Variants in HTR4 observed in about 807,000 individuals in gnomAD.
HTR4 encodes the protein 5-hydroxytryptamine receptor 4.
In HTR4, 16 loss-of-function variants were observed where a neutral mutation model predicts 36.8. That is an observed-to-expected ratio of 0.43 (90% CI 0.29 to 0.66). The LOEUF is 0.66. Ranked by LOEUF, HTR4 falls within the 30% of genes least tolerant of loss-of-function variation. HTR4 has a pLI of 0.13. For missense variants in HTR4, 438 were observed against 490.9 expected, an observed-to-expected ratio of 0.89 and a Z score of 1.02; for synonymous variants, 189 against 185.1, an observed-to-expected ratio of 1.02 and a Z score of -0.17.
chr5:148,497,858 A>G (rs903666858), intron 6 of HTR4, among the ~76,000 whole-genome samples: 33 of 152,240 alleles, frequency 2.2e-4, no homozygotes, highest in African/African-American at 7.5e-4. Context: ...CAAAATATTT[A>G]TATGAAAATA....
At chr5:148,503,161 G>C (rs889254149) in intron 6 of HTR4, among the ~76,000 whole-genome samples, 9 of 152,086 alleles carry the variant, frequency 5.9e-5, no homozygotes, top group Non-Finnish European at 8.8e-5. Context: ...GATACTCCTC[G>C]AGAAGAGCAA....
chr5:148,473,961 G>A (rs1181947226), downstream of HTR4, among the ~76,000 whole-genome samples: 2 of 151,998 alleles, frequency 1.3e-5, no homozygotes, highest in Non-Finnish European at 2.9e-5. Flanking sequence ...ACTATTAGAT[G>A]AGACAGAATT....
At chr5:148,551,316 T>C (rs988873061) in intron 2 of HTR4, among the ~76,000 whole-genome samples, 1 of 152,208 alleles carries the variant, frequency 6.6e-6, no homozygotes, top group African/African-American at 2.4e-5. Flanking sequence ...TCAGATTCTG[T>C]GAAGTCTGTT....
chr5:148,577,977 T>TA, intron 2 of HTR4, among the ~76,000 whole-genome samples: 1 of 151,904 alleles, frequency 6.6e-6, no homozygotes, highest in East Asian at 1.9e-4. Flanking sequence ...AAATAAAAGT[T>TA]AAAAAAAGTA....
At chr5:148,489,731 G>A (rs1413680683) in intron 6 of HTR4, among the ~76,000 whole-genome samples, 2 of 152,122 alleles carry the variant, frequency 1.3e-5, no homozygotes, top group Non-Finnish European at 1.5e-5. Context: ...TAGGTCAGGG[G>A]AGCTGGGCTG....
At chr5:148,640,033 G>A (rs1260476608) in intron 1 of HTR4, among the ~76,000 whole-genome samples, 2 of 152,086 alleles carry the variant, frequency 1.3e-5, no homozygotes, top group Non-Finnish European at 2.9e-5. Flanking sequence ...TCCTATAGAT[G>A]AAGAGACTGA....
intron 2 of HTR4, among the ~76,000 whole-genome samples, chr5:148,591,022 G>C (rs920007459): frequency 6.6e-6 from 1 of 152,088 alleles, no homozygotes; most frequent in Non-Finnish European, 1.5e-5. Context: ...GTAAGGAAGG[G>C]GTCCAGCTTC....
downstream of HTR4, among the ~76,000 whole-genome samples, chr5:148,473,186 C>T (rs541626186): frequency 1.7e-3 from 256 of 151,724 alleles, no homozygotes; most frequent in African/African-American, 5.9e-3. Flanking sequence ...GTAGTCCCAG[C>T]TACTCGGGAG....
intron 2 of HTR4, 48 bp downstream of exon 2, chr5:148,636,941 A>G (rs758415555): frequency 2.5e-6 from 3 of 1,207,326 alleles, no homozygotes; most frequent in South Asian, 1.3e-5. Context: ...TCTTCATAGC[A>G]GAAATGTTCT....
intron 2 of HTR4, among the ~76,000 whole-genome samples, chr5:148,599,857 T>C (rs1020375255): frequency 6.6e-6 from 1 of 151,930 alleles, no homozygotes; most frequent in African/African-American, 2.4e-5. Flanking sequence ...GTCTGAGAAA[T>C]GGTAAAAGTA....
intron 4 of HTR4, among the ~76,000 whole-genome samples, chr5:148,533,170 A>G (rs192703696): frequency 1.1e-3 from 175 of 152,306 alleles, no homozygotes; most frequent in African/African-American, 4.1e-3. Context: ...GAATCAGCAA[A>G]ATTTGTTCTC....
chr5:148,613,497 C>A (rs1752528932), intron 2 of HTR4, among the ~76,000 whole-genome samples: 3 of 151,800 alleles, frequency 2.0e-5, no homozygotes, highest in Admixed American at 1.3e-4. Context: ...ATGCTAAAAA[C>A]TCTCAATAAA....
chr5:148,466,681 C>A (rs971369277), intron 5 of HTR4, among the ~76,000 whole-genome samples: 1 of 152,194 alleles, frequency 6.6e-6, no homozygotes, highest in Non-Finnish European at 1.5e-5. Flanking sequence ...TACCCTCTGT[C>A]AGAGTGTTAC....
intron 2 of HTR4, among the ~76,000 whole-genome samples, chr5:148,599,614 G>T (rs1256527442): frequency 1.3e-5 from 2 of 151,634 alleles, no homozygotes; most frequent in Non-Finnish European, 1.5e-5. Flanking sequence ...ATCTAGTACT[G>T]GTAAATTTTA....
At chr5:148,593,083 G>A (rs1009402576) in intron 2 of HTR4, among the ~76,000 whole-genome samples, 1 of 152,098 alleles carries the variant, frequency 6.6e-6, no homozygotes, top group Non-Finnish European at 1.5e-5. Flanking sequence ...TATGCAATCT[G>A]AAGTACTTAT....
chr5:148,456,064 T>A (rs2113686573), intron 5 of HTR4, among the ~76,000 whole-genome samples: 1 of 152,160 alleles, frequency 6.6e-6, no homozygotes, highest in South Asian at 2.1e-4. Flanking sequence ...GTGGTTCCTC[T>A]CACCATGGTA....
chr5:148,565,661 C>G (rs947372504), intron 2 of HTR4, among the ~76,000 whole-genome samples: 3 of 152,068 alleles, frequency 2.0e-5, no homozygotes, highest in Non-Finnish European at 4.4e-5. Context: ...TACACTCACA[C>G]CTACACGCCC....
chr5:148,654,190 C>G lies in HTR4; in HGVS notation c.-176G>C, dbSNP rs1032497019. The G allele has an allele frequency of 6.5e-5, 64 of 985,084 alleles. No homozygotes were observed. Among genetic ancestry groups the G allele is most frequent in the Non-Finnish European group, 7.7e-5 (64 of 829,852 alleles). 61.0% of individuals were successfully genotyped at this position (985,084 alleles called of 1,614,324 possible). The stretch of plus-strand genomic sequence containing the variant: ...CCGCTGCCTGCGCCCTCCCTGCCGC[C>G]CCCTCGGGTGCGGGCTCCAGCCCCC... On this transcript the variant is annotated 5_prime_UTR_variant, in exon 1 of 7. Coordinates refer to ENST00000377888, the MANE Select transcript of HTR4 (RefSeq NM_000870.7).
chr5:148,606,508 G>T (rs922606804), intron 2 of HTR4, among the ~76,000 whole-genome samples: 1 of 152,080 alleles, frequency 6.6e-6, no homozygotes, highest in Non-Finnish European at 1.5e-5. Context: ...CTGACCTTAG[G>T]CAAGTGGCTT....
Sources: allele counts gnomAD v4.1 joint callset (sites outside exome capture counted in the v4.1 genomes callset), GRCh38; gene constraint gnomAD v4.1.1; transcripts MANE v1.5; gene names NCBI Gene and HGNC (gene_info 2026-07-23, HGNC 2026-07-21).